MAGI1: variants seen among roughly 807,000 people sequenced by gnomAD.
The protein encoded by MAGI1 is membrane associated guanylate kinase, WW and PDZ domain containing 1, also known as membrane-associated guanylate kinase, WW and PDZ domain-containing protein 1.
A neutral mutation model predicts 139.9 loss-of-function variants in MAGI1; 58 were observed. The observed-to-expected ratio is 0.41, with a 90% CI of 0.34 to 0.52. MAGI1 has a LOEUF of 0.52. Ranked by LOEUF, MAGI1 falls within the 20% of genes least tolerant of loss-of-function variation. The pLI is 0.12. For synonymous variants in MAGI1, 812 were observed against 737.9 expected (o/e 1.10, Z -1.63); for missense variants, 1,874 against 1,901.6 (o/e 0.99, Z 0.27).
intron 2 of MAGI1, among the ~76,000 whole-genome samples, chr3:65,511,122 C>T (rs575901447): frequency 1.3e-5 from 2 of 149,010 alleles, no homozygotes; most frequent in East Asian, 2.1e-4. Context: ...TTTGTCACCA[C>T]CAGGCCTGCC....
At chr3:65,958,062 T>G (rs2064225495) in intron 1 of MAGI1, among the ~76,000 whole-genome samples, 1 of 152,146 alleles carries the variant, frequency 6.6e-6, no homozygotes, top group Admixed American at 6.6e-5. Flanking sequence ...CCTGGCCTAG[T>G]TCTTGATTGA....
intron 1 of MAGI1, among the ~76,000 whole-genome samples, chr3:65,625,424 A>C (rs1266912482): frequency 1.3e-5 from 2 of 152,164 alleles, no homozygotes; most frequent in Non-Finnish European, 2.9e-5. Flanking sequence ...CTAGGTAGTT[A>C]AGCCAGACGT....
intron 1 of MAGI1, among the ~76,000 whole-genome samples, chr3:65,882,344 A>T (rs1470240373): frequency 6.6e-6 from 1 of 152,220 alleles, no homozygotes; most frequent in Non-Finnish European, 1.5e-5. Flanking sequence ...AAGGTAGGAA[A>T]TCAAAATAAC....
chr3:65,607,595 G>A (rs1387606410), intron 2 of MAGI1, among the ~76,000 whole-genome samples: 1 of 152,158 alleles, frequency 6.6e-6, no homozygotes, highest in Admixed American at 6.5e-5. Context: ...GGGAGTGAGA[G>A]GAAATAAAAC....
intron 2 of MAGI1, among the ~76,000 whole-genome samples, chr3:65,619,123 T>C (rs990000038): frequency 3.9e-5 from 6 of 152,196 alleles, no homozygotes; most frequent in African/African-American, 1.4e-4. Flanking sequence ...TTGTATGGTA[T>C]GTGAATTATA....
At chr3:65,502,940 A>G (rs777012245) in intron 2 of MAGI1, among the ~76,000 whole-genome samples, 2 of 151,980 alleles carry the variant, frequency 1.3e-5, no homozygotes, top group African/African-American at 2.4e-5. Context: ...CGAACAGTGG[A>G]GAGAGGGGGT....
intron 14 of MAGI1, among the ~76,000 whole-genome samples, chr3:65,388,834 A>ATTTTTTTTTTTTTT (rs35579495): frequency 1.1e-5 from 1 of 91,910 alleles, no homozygotes; most frequent in Non-Finnish European, 1.8e-5. Flanking sequence ...ACCATTCCGA[A>ATTTTTTTTTTTTTT]TTTTTTTTTT....
intron 1 of MAGI1, chr3:65,687,442 A>G: frequency 5.2e-6 from 2 of 386,422 alleles, no homozygotes; most frequent in Non-Finnish European, 1.0e-5. Flanking sequence ...TCAAGCCAAC[A>G]CCTGATGCAA....
chr3:65,451,601 T>C (rs1166620609), intron 6 of MAGI1, among the ~76,000 whole-genome samples: 1 of 152,176 alleles, frequency 6.6e-6, no homozygotes, highest in Non-Finnish European at 1.5e-5. Context: ...CCTCTGAGCA[T>C]CATGGTGACA....
chr3:65,819,979 A>C (rs2041853905), intron 1 of MAGI1, among the ~76,000 whole-genome samples: 1 of 107,748 alleles, frequency 9.3e-6, no homozygotes. Context: ...GTATCTTTAT[A>C]TTAAGCAAAT....
chr3:65,987,314 T>C (rs2065931829), intron 1 of MAGI1, among the ~76,000 whole-genome samples: 1 of 152,210 alleles, frequency 6.6e-6, no homozygotes, highest in Non-Finnish European at 1.5e-5. Flanking sequence ...TGTGCTCTAG[T>C]ATCCTAGATG....
chr3:65,362,515 AC>A lies in MAGI1; in HGVS notation c.3495+949del, dbSNP rs560833385. ...AAACTGGTATACTGTTTGGCCCTGG[AC>A]ACTGTATTTTTACTACATTTTTCAC... On this transcript the variant is annotated intron_variant, in intron 21 of 22. Transcript: ENST00000402939. Among the ~76,000 whole-genome samples the A allele has an allele frequency of 3.3e-3, 498 of 152,312 alleles. 5 individuals are homozygous for A. The highest frequency in any genetic ancestry group is 0.011 in the African/African-American group (473 of 41,560).
At chr3:66,018,018 C>G (rs778616458) in intron 1 of MAGI1, among the ~76,000 whole-genome samples, 24 of 148,706 alleles carry the variant, frequency 1.6e-4, no homozygotes, top group Non-Finnish European at 1.5e-4. Context: ...TATTTTTCCT[C>G]CTTTGATCTT....
chr3:65,794,244 C>A (rs182814912), intron 1 of MAGI1, among the ~76,000 whole-genome samples: 2 of 152,182 alleles, frequency 1.3e-5, no homozygotes, highest in Admixed American at 6.5e-5. Flanking sequence ...GCTAAAAATA[C>A]AAGCCACAGG....
intron 2 of MAGI1, among the ~76,000 whole-genome samples, chr3:65,515,629 A>C (rs1239098974): frequency 4.6e-5 from 7 of 152,188 alleles, no homozygotes; most frequent in Non-Finnish European, 1.0e-4. Context: ...CAAAGACAAC[A>C]AGTACCCCCA....
At chr3:65,987,672 G>A (rs1022348438) in intron 1 of MAGI1, among the ~76,000 whole-genome samples, 1 of 82,760 alleles carries the variant, frequency 1.2e-5, no homozygotes, top group Admixed American at 1.4e-4. Flanking sequence ...CCCACACACT[G>A]CAACCTCTGC....
intron 1 of MAGI1, among the ~76,000 whole-genome samples, chr3:65,829,296 G>A (rs114485654): frequency 5.9e-5 from 9 of 152,160 alleles, no homozygotes; most frequent in Non-Finnish European, 1.0e-4. Flanking sequence ...CAACTGCATA[G>A]TGCTATGGTC....
At chr3:65,573,511 T>G (rs2081048457) in intron 2 of MAGI1, among the ~76,000 whole-genome samples, 1 of 151,902 alleles carries the variant, frequency 6.6e-6, no homozygotes, top group Non-Finnish European at 1.5e-5. Flanking sequence ...GAAAAAGTAT[T>G]TCAGAAACTC....
At position 65,483,316 on chromosome 3, in the gene MAGI1, C is replaced by T. The variant is rs185925605; in HGVS notation, c.551-4518G>A. 2.0e-5 allele frequency among the ~76,000 whole-genome samples: 3 copies of T among 152,294 alleles called. No homozygotes were observed. The East Asian group carries it at 5.8e-4, about 29-fold the overall frequency. The stretch of plus-strand genomic sequence containing the variant: ...CCACAGTCACCAGTGGTCTTCTTTG[C>T]CTCTATGCACCCTCTTACCTGACCT... On this transcript the variant is annotated intron_variant, in intron 3 of 22. Coordinates refer to ENST00000402939, the MANE Select transcript of MAGI1 (RefSeq NM_001033057.2).
Sources: allele counts gnomAD v4.1 joint callset (sites outside exome capture counted in the v4.1 genomes callset), GRCh38; gene constraint gnomAD v4.1.1; transcripts MANE v1.5; gene names NCBI Gene and HGNC (gene_info 2026-07-23, HGNC 2026-07-21).